The following SLC38A10 variants were observed in gnomAD, a reference collection of about 807,000 sequenced individuals.
SLC38A10 encodes solute carrier family 38 member 10, also known as Sodium-coupled neutral amino acid transporter 10.
SLC38A10 carries 53 observed loss-of-function variants against 81.0 expected under a neutral mutation model. The ratio of observed to expected loss-of-function variants is 0.65; its 90% CI spans 0.53 to 0.82. The LOEUF (loss-of-function observed/expected upper bound fraction) is 0.82. SLC38A10 is among the 40% of genes least tolerant of loss of function. The pLI is 0.00. For synonymous variants in SLC38A10, 665 were observed against 655.3 expected (o/e 1.01, Z -0.23); for missense variants, 1,471 against 1,545.0 (o/e 0.95, Z 0.80).
chr17:81,287,622 C>G (rs1403726436), intron 2 of SLC38A10, among the ~76,000 whole-genome samples: 1 of 152,176 alleles, frequency 6.6e-6, no homozygotes, highest in African/African-American at 2.4e-5. Context: ...TTTTTTGTTT[C>G]TGGCAGGCAG....
Position 81,283,459 on chromosome 17 carries a change from C to T in SLC38A10, c.307G>A (p.Val103Met), listed in dbSNP as rs756914322. 9 of 1,612,388 alleles carry T rather than the reference C, an allele frequency of 5.6e-6. No individual in the cohort carries two copies. The highest frequency in any genetic ancestry group is 3.3e-5 in the South Asian group (3 of 90,872). Residue 103 changes from valine to methionine, a missense_variant, in exon 4 of 16, where the codon GTG (valine) becomes ATG (methionine). By Grantham distance (21) the Val-to-Met change is conservative. This residue lies in a region of SLC38A10 where 720 missense variants were observed against 827.7 expected (regional missense o/e 0.87). Coordinates refer to ENST00000374759, the MANE Select transcript of SLC38A10 (RefSeq NM_001037984.3). This position sits in a 1 kb window ranked among gnomAD's most constrained non-coding sequence, Gnocchi z 4.7. ...MLGTCIAFYVVIGDLGSNFFA... is the reference protein window; with the variant it reads ...MLGTCIAFYVMIGDLGSNFFA... ...AAGTTGGACCCCAAGTCGCCGATCA[C>T]GACGTAGAAGGCGATGCAGGTGCCC... is the stretch of plus-strand genomic sequence containing the variant.
Position 81,260,206 on chromosome 17 carries a change from T to C in SLC38A10, c.1288+32A>G, listed in dbSNP as rs201395205. 5.9e-4 allele frequency: 934 copies of C among 1,575,468 alleles called. 6 individuals carry two copies. The African/African-American group carries it at 0.011, about 19-fold the overall frequency. ...GGAGACACCCAGTGGGCACTTGCCC[T>C]GAGAAGGCTCAGAGAGCCAGGGTGG... On this transcript the variant is annotated intron_variant, in intron 11 of 15. Transcript: ENST00000374759.
intron 12 of SLC38A10, 37 bp from the exon 13 acceptor site, chr17:81,252,720 G>T: frequency 6.5e-7 from 1 of 1,544,246 alleles, no homozygotes; most frequent in South Asian, 1.2e-5. Context: ...GTCAGGCTGA[G>T]GCCCCTCCTT....
At chr17:81,249,416 A>AGAAGGAAGGAGGGAAGAGGGAGAAG in intron 14 of SLC38A10, among the ~76,000 whole-genome samples, 1 of 151,146 alleles carries the variant, frequency 6.6e-6, no homozygotes, top group African/African-American at 2.4e-5. Context: ...GGAGGGAGGG[A>AGAAGGAAGGAGGGAAGAGGGAGAAG]AGAGGAGGGA....
Position 81,289,102 on chromosome 17 carries a change from G to A in SLC38A10, c.217+589C>T, listed in dbSNP as rs891234159. ...GGCACCAAGGCTCGAGTGCAGTGGCGTGATCTCAGCTCACTGCAGCCTCCA... is the reference window on the plus strand; with the variant it reads ...GGCACCAAGGCTCGAGTGCAGTGGCATGATCTCAGCTCACTGCAGCCTCCA... On this transcript the variant is annotated intron_variant, in intron 2 of 15. Coordinates refer to ENST00000374759, the MANE Select transcript of SLC38A10 (RefSeq NM_001037984.3). This position sits in a 1 kb window ranked among gnomAD's most constrained non-coding sequence, Gnocchi z 5.9. Among the ~76,000 whole-genome samples the A allele has an allele frequency of 2.0e-5, 3 of 152,120 alleles. No homozygotes were observed. Among genetic ancestry groups the A allele is most frequent in the South Asian group, 2.1e-4 (1 of 4,832 alleles).
intron 11 of SLC38A10, among the ~76,000 whole-genome samples, chr17:81,258,688 T>A (rs1347861474): frequency 6.6e-6 from 1 of 151,804 alleles, no homozygotes; most frequent in Non-Finnish European, 1.5e-5. Flanking sequence ...CAGCGCCCAG[T>A]CTAGCCCAGA....
chr17:81,280,866 ACCCTGTGCCG>A (rs1167905792), intron 5 of SLC38A10, 133 bp from the exon 6 acceptor site: 74 of 1,297,738 alleles, frequency 5.7e-5, no homozygotes, highest in East Asian at 8.2e-5. Context: ...GCCCCCCACC[ACCCTGTGCCG>A]CCCTGTGCCG....
intron 1 of SLC38A10, among the ~76,000 whole-genome samples, chr17:81,294,582 T>G (rs1470149873): frequency 6.6e-6 from 1 of 152,206 alleles, no homozygotes; most frequent in Non-Finnish European, 1.5e-5. Context: ...ATCGAGTTTT[T>G]GAGTGTGGGG....
intron 1 of SLC38A10, among the ~76,000 whole-genome samples, chr17:81,293,441 C>T (rs2063325437): frequency 6.6e-6 from 1 of 152,110 alleles, no homozygotes; most frequent in Non-Finnish European, 1.5e-5. Flanking sequence ...GAGGGCTGCA[C>T]GGGAGGGTTT....
In SLC38A10 at chr17:81,245,465, A is replaced by G; in HGVS notation, c.*91T>C. 3 of 1,459,008 alleles carry G rather than the reference A, an allele frequency of 2.1e-6. No homozygotes were observed. Among genetic ancestry groups the G allele is most frequent in the Non-Finnish European group, 2.7e-6 (3 of 1,093,774 alleles). 90.4% of individuals were successfully genotyped at this position (1,459,008 alleles called of 1,614,324 possible). A position where few individuals can be genotyped will look rare whatever the true frequency, so the allele number is the denominator to read the frequency against. On this transcript the variant is annotated 3_prime_UTR_variant, in exon 16 of 16. Transcript: ENST00000374759. ...GAAACCCTGGGGAGAGGCGAGTGTG[A>G]CCTCCAGAGTTTGGCTGGGATGCGG...
chr17:81,257,797 C>T (rs1325462402), intron 11 of SLC38A10, among the ~76,000 whole-genome samples: 1 of 152,268 alleles, frequency 6.6e-6, no homozygotes, highest in Non-Finnish European at 1.5e-5. Context: ...GCAGCTGTGC[C>T]TGCCCCGCTG....
At chr17:81,269,115 A>G (rs1427281416) in intron 10 of SLC38A10, among the ~76,000 whole-genome samples, 1 of 152,242 alleles carries the variant, frequency 6.6e-6, no homozygotes, top group Admixed American at 6.5e-5. Flanking sequence ...ATGGCTTCAA[A>G]CTAAAAAGCA....
intron 10 of SLC38A10, among the ~76,000 whole-genome samples, chr17:81,262,493 G>T (rs1392395318): frequency 1.3e-5 from 2 of 152,250 alleles, no homozygotes; most frequent in Non-Finnish European, 2.9e-5. Context: ...CTCTAACTGG[G>T]CGTGTGCTAA....
chr17:81,260,958 C>G (rs1323826824), intron 10 of SLC38A10, among the ~76,000 whole-genome samples: 1 of 152,252 alleles, frequency 6.6e-6, no homozygotes. Context: ...CAGGCCCGTG[C>G]GCATGAAGGG....
rs2063173547 is a variant in SLC38A10 at position 81,277,596 on chromosome 17, G to A, written c.627-463C>T. 6.6e-6 allele frequency among the ~76,000 whole-genome samples: 1 copy of A among 152,220 alleles called. No homozygotes were observed. The highest frequency in any genetic ancestry group is 2.4e-5 in the African/African-American group (1 of 41,460). On this transcript the variant is annotated intron_variant, in intron 6 of 15. Coordinates refer to ENST00000374759, the MANE Select transcript of SLC38A10 (RefSeq NM_001037984.3). The surrounding 1 kb of genome is among the most constrained non-coding windows in gnomAD (Gnocchi z 4.5). ...GATCAGAGTCGGCACAGACAAGGAGGCGGCCTGGGGCGCGATTCCCCACTG... is the reference window on the plus strand; with the variant it reads ...GATCAGAGTCGGCACAGACAAGGAGACGGCCTGGGGCGCGATTCCCCACTG...
Position 81,286,898 on chromosome 17 carries a change from G to A in SLC38A10, c.218-2003C>T, listed in dbSNP as rs984550995. Among the ~76,000 whole-genome samples, 1 of 152,172 alleles carries A rather than the reference G, an allele frequency of 6.6e-6. No homozygotes were observed. Among genetic ancestry groups the A allele is most frequent in the Non-Finnish European group, 1.5e-5 (1 of 68,030 alleles). Reference sequence around the variant, plus strand: ...TTTCTAGCCCAGACCACGCATGCCAGGGTTCAGGCACAACTCTCAACAGGG... The same window carrying A: ...TTTCTAGCCCAGACCACGCATGCCAAGGTTCAGGCACAACTCTCAACAGGG... On this transcript the variant is annotated intron_variant, in intron 2 of 15. Coordinates refer to ENST00000374759, the MANE Select transcript of SLC38A10 (RefSeq NM_001037984.3). This position sits in a 1 kb window ranked among gnomAD's most constrained non-coding sequence, Gnocchi z 6.0.
rs751739333 is a variant in SLC38A10 at position 81,246,600 on chromosome 17, C to T, written c.2316G>A (p.Thr772=). The change falls in exon 16 of 16, where the codon ACG becomes ACA. Residue 772 remains threonine, a synonymous_variant. Transcript: ENST00000374759. ...QEAPEGKARE[T]VENLPPLPLD... The stretch of plus-strand genomic sequence containing the variant: ...AAGGCAGGGGAGGCAGATTCTCCAC[C>T]GTCTCCCTGGCCTTGCCTTCAGGGG... 7.9e-6 allele frequency: 12 copies of T among 1,516,570 alleles called. No individual in the cohort carries two copies. The African/African-American group carries it at 9.8e-5, about 12-fold the overall frequency. 93.9% of individuals were successfully genotyped at this position (1,516,570 alleles called of 1,614,324 possible).
At chr17:81,282,555 G>C (rs532530210) in intron 4 of SLC38A10, among the ~76,000 whole-genome samples, 9 of 152,336 alleles carry the variant, frequency 5.9e-5, no homozygotes, top group Non-Finnish European at 1.2e-4. Context: ...CTGGAGCCCA[G>C]CCCAGCCCCA....
At chr17:81,248,671 C>T (rs1391596868) in intron 14 of SLC38A10, among the ~76,000 whole-genome samples, 2 of 152,254 alleles carry the variant, frequency 1.3e-5, no homozygotes, top group Admixed American at 6.5e-5. Flanking sequence ...ATCTCAGGGA[C>T]GGCCCTGCAT....
Sources: allele counts gnomAD v4.1 joint callset (sites outside exome capture counted in the v4.1 genomes callset), GRCh38; gene constraint gnomAD v4.1.1; regional missense constraint gnomAD v4.1.1; non-coding constraint Gnocchi (gnomAD v3.1); transcripts MANE v1.5; gene names NCBI Gene and HGNC (gene_info 2026-07-23, HGNC 2026-07-21).